The following APOOL variants were observed in gnomAD, a reference collection of about 807,000 sequenced individuals.
APOOL encodes MICOS complex subunit MIC27.
Under a neutral mutation model 23.1 loss-of-function variants are expected in APOOL, and 12 were observed. That is an observed-to-expected ratio of 0.52 (90% confidence interval 0.33 to 0.84). APOOL has a LOEUF of 0.84. Ranked by LOEUF, APOOL falls within the 40% of genes least tolerant of loss-of-function variation. APOOL has a pLI of 0.02. For synonymous variants in APOOL, 77 were observed against 69.9 expected, an observed-to-expected ratio of 1.10 and a Z score of -0.51; for missense variants, 212 against 199.6, an observed-to-expected ratio of 1.06 and a Z score of -0.37.
At chrX:85,050,482 G>A (rs900327947) in intron 2 of APOOL, among the ~76,000 whole-genome samples, 2 of 109,341 alleles carry the variant, frequency 1.8e-5, no homozygotes, top group East Asian at 5.7e-4. Flanking sequence ...GTTGGTAGAG[G>A]AGCAAATCCA....
intron 4 of APOOL, among the ~76,000 whole-genome samples, chrX:85,054,805 A>G (rs1922904778): frequency 9.0e-6 from 1 of 111,559 alleles, no homozygotes; most frequent in Non-Finnish European, 1.9e-5. Context: ...AGTCTATATT[A>G]TATATCATAA....
At chrX:85,036,369 A>G (rs1182965799) in intron 1 of APOOL, among the ~76,000 whole-genome samples, 3 of 112,099 alleles carry the variant, frequency 2.7e-5, no homozygotes, top group African/African-American at 9.7e-5. Context: ...TAGAACCACA[A>G]CCTATTGGAC....
Position 85,076,236 on chromosome X carries a change from G to T in APOOL, c.718+1845G>T, listed in dbSNP as rs150516653. ...GTGAATTTTGGGGGGACACCAACAC[G>T]CAGTACATAACAATATATCATTTGG... is the stretch of plus-strand genomic sequence containing the variant. On this transcript the variant is annotated intron_variant, in intron 8 of 8. Transcript: ENST00000373173. 9.3e-4 allele frequency among the ~76,000 whole-genome samples: 103 copies of T among 111,039 alleles called. 1 individual carries two copies. The East Asian group carries it at 0.025, about 27-fold the overall frequency.
At chrX:85,085,791 A>G (rs1184130498) in intron 8 of APOOL, among the ~76,000 whole-genome samples, 2 of 112,155 alleles carry the variant, frequency 1.8e-5, no homozygotes, top group Non-Finnish European at 3.8e-5. Context: ...AGGTATTTAT[A>G]TGCATCAGTT....
At chrX:85,079,167 C>T (rs2147665885) in intron 8 of APOOL, among the ~76,000 whole-genome samples, 1 of 111,730 alleles carries the variant, frequency 9.0e-6, no homozygotes, top group East Asian at 2.8e-4. Flanking sequence ...CTGTCTTGTG[C>T]CTGTTTTCAA....
chrX:85,009,321 T>A (rs746335760), intron 1 of APOOL, among the ~76,000 whole-genome samples: 2 of 112,101 alleles, frequency 1.8e-5, no homozygotes, highest in Non-Finnish European at 3.8e-5. Context: ...TTGTTCCTGA[T>A]CTTAGAGGAA....
At chrX:85,051,055 G>A (rs532725899) in intron 2 of APOOL, among the ~76,000 whole-genome samples, 47 of 110,846 alleles carry the variant, frequency 4.2e-4, no homozygotes, top group South Asian at 1.9e-3. Flanking sequence ...TTTTACTGTG[G>A]ATGGACATTG....
chrX:85,036,663 G>GT (rs1173866577), intron 1 of APOOL, among the ~76,000 whole-genome samples: 2 of 111,386 alleles, frequency 1.8e-5, no homozygotes, highest in South Asian at 7.6e-4. Context: ...TTTGTTGAGG[G>GT]TTTTTTAAAT....
At chrX:85,019,195 G>A (rs943361441) in intron 1 of APOOL, among the ~76,000 whole-genome samples, 5 of 112,125 alleles carry the variant, frequency 4.5e-5, no homozygotes, top group African/African-American at 1.6e-4. Context: ...TGGTTTGAAT[G>A]TGGGTGTTCC....
At chrX:85,031,101 A>C (rs1922021977) in intron 1 of APOOL, among the ~76,000 whole-genome samples, 2 of 111,708 alleles carry the variant, frequency 1.8e-5, no homozygotes, top group Non-Finnish European at 3.8e-5. Context: ...GTTGGCCTGC[A>C]AGCATATGCA....
At chrX:85,020,914 CTA>C (rs1921641131) in intron 1 of APOOL, among the ~76,000 whole-genome samples, 1 of 111,969 alleles carries the variant, frequency 8.9e-6, no homozygotes, top group African/African-American at 3.2e-5. Context: ...AGGCTCTAGA[CTA>C]TCCCCAGCCC....
In APOOL at chrX:85,091,257, AAAT is replaced by A. The variant is rs1924509060; in HGVS notation, c.*3585_*3587del. On this transcript the variant is annotated 3_prime_UTR_variant, in exon 9 of 9. Transcript: ENST00000373173. ...AGAACAAAACTCAGTCTCAAAAAATAAATAATAAAAAATAAAGGTATATAATAT... is the reference window on the plus strand; with the variant it reads ...AGAACAAAACTCAGTCTCAAAAAATAAATAAAAAATAAAGGTATATAATAT... The A allele has an allele frequency of 8.9e-6, 1 of 112,237 alleles. No homozygotes were observed. Among genetic ancestry groups the A allele is most frequent in the Non-Finnish European group, 1.9e-5 (1 of 53,292 alleles). 9.2% of individuals were successfully genotyped at this position (112,237 alleles called of 1,213,427 possible).
At chrX:85,069,782 G>A (rs1923600189) in intron 6 of APOOL, among the ~76,000 whole-genome samples, 1 of 109,916 alleles carries the variant, frequency 9.1e-6, no homozygotes, top group Non-Finnish European at 1.9e-5. Context: ...AAAATAGAAT[G>A]AACAGTTAAA....
intron 1 of APOOL, among the ~76,000 whole-genome samples, chrX:85,043,865 C>T (rs1848146876): frequency 8.9e-6 from 1 of 111,790 alleles, no homozygotes; most frequent in Admixed American, 9.5e-5. Flanking sequence ...ATTCAGCAAA[C>T]AGAAGGAATG....
At chrX:85,016,683 C>G (rs1201372547) in intron 1 of APOOL, among the ~76,000 whole-genome samples, 2 of 111,404 alleles carry the variant, frequency 1.8e-5, no homozygotes, top group Non-Finnish European at 3.8e-5. Context: ...AGGTCCCCTT[C>G]TCCAAGACGT....
At chrX:85,079,580 G>A (rs1376660819) in intron 8 of APOOL, among the ~76,000 whole-genome samples, 1 of 111,531 alleles carries the variant, frequency 9.0e-6, no homozygotes, top group Non-Finnish European at 1.9e-5. Context: ...GCCAGGGTTT[G>A]GTATCAGGAT....
chrX:85,022,104 C>A (rs1447831399), intron 1 of APOOL, among the ~76,000 whole-genome samples: 1 of 112,249 alleles, frequency 8.9e-6, no homozygotes, highest in Non-Finnish European at 1.9e-5. Flanking sequence ...TGTAAAAAGT[C>A]TGTCAAAGAA....
chrX:85,082,995 A>T (rs930902272), intron 8 of APOOL, among the ~76,000 whole-genome samples: 1 of 111,524 alleles, frequency 9.0e-6, no homozygotes, highest in Non-Finnish European at 1.9e-5. Context: ...TGGGAGTGCC[A>T]TAGGTGAACT....
chrX:85,055,839 A>G lies in APOOL; in HGVS notation c.308A>G (p.Tyr103Cys), dbSNP rs376912537. The G allele has an allele frequency of 7.5e-6, 9 of 1,193,441 alleles. No homozygotes were observed. Among genetic ancestry groups the G allele is most frequent in the Non-Finnish European group, 1.0e-5 (9 of 885,529 alleles). ...CTGATTTCTTGAGATGCTTATGTCTATCTGAAGAATCCTCCTCGAGATTTT... is the reference window on the plus strand; with the variant it reads ...CTGATTTCTTGAGATGCTTATGTCTGTCTGAAGAATCCTCCTCGAGATTTT... Reference protein sequence around the residue: ...TVQFGKDAYVYLKNPPRDFLP... With the variant: ...TVQFGKDAYVCLKNPPRDFLP... Residue 103 changes from tyrosine (Y) to cysteine (C), a missense_variant, in exon 5 of 9, where the codon TAT (tyrosine) becomes TGT (cysteine). Tyr to Cys is a radical substitution (Grantham distance 194). Coordinates refer to ENST00000373173, the MANE Select transcript of APOOL (RefSeq NM_198450.6).
Sources: allele counts gnomAD v4.1 joint callset (sites outside exome capture counted in the v4.1 genomes callset), GRCh38; gene constraint gnomAD v4.1.1; transcripts MANE v1.5; gene names NCBI Gene and HGNC (gene_info 2026-07-23, HGNC 2026-07-21).